The following WDFY3 variants were observed in gnomAD, a reference collection of about 807,000 sequenced individuals.
WDFY3 encodes the protein WD repeat and FYVE domain containing 3.
A neutral mutation model predicts 409.6 loss-of-function variants in WDFY3; 66 were observed. The observed-to-expected ratio is 0.16, with a 90% CI of 0.13 to 0.20. The LOEUF is 0.20. Ranked by LOEUF, WDFY3 falls within the 10% of genes least tolerant of loss-of-function variation. The pLI is 1.00. For synonymous variants in WDFY3, 1,521 were observed against 1,537.1 expected, an observed-to-expected ratio of 0.99 and a Z score of 0.25; for missense variants, 3,031 against 4,298.1, an observed-to-expected ratio of 0.71 and a Z score of 8.24.
intron 9 of WDFY3, 66 bp from the exon 10 acceptor site, chr4:84,827,047 G>C: frequency 6.5e-7 from 1 of 1,531,604 alleles, no homozygotes; most frequent in East Asian, 2.3e-5. Flanking sequence ...TTAACACAAA[G>C]TATTTTTCAA....
chr4:84,844,113 T>C (rs1757751938), intron 5 of WDFY3, among the ~76,000 whole-genome samples: 1 of 152,190 alleles, frequency 6.6e-6, no homozygotes, highest in South Asian at 2.1e-4. Context: ...GCGGACAATC[T>C]TAAATGCAAT....
intron 36 of WDFY3, among the ~76,000 whole-genome samples, chr4:84,745,976 G>C (rs1739367403): frequency 6.6e-6 from 1 of 151,886 alleles, no homozygotes; most frequent in Admixed American, 6.6e-5. Context: ...AAGGAATAAA[G>C]CTGTCCAGTC....
intron 50 of WDFY3, 38 bp downstream of exon 50, chr4:84,715,260 C>T: frequency 2.4e-6 from 3 of 1,247,152 alleles, no homozygotes; most frequent in Non-Finnish European, 3.5e-6. Flanking sequence ...CCCATATCTT[C>T]CCATAATAGT....
chr4:84,826,751 A>G, intron 10 of WDFY3, 64 bp downstream of exon 10: 1 of 1,488,826 alleles, frequency 6.7e-7, no homozygotes, highest in South Asian at 1.4e-5. Context: ...ATATACCAAA[A>G]TAAGACAAAT....
At chr4:84,889,870 G>GA (rs540200830) in intron 3 of WDFY3, among the ~76,000 whole-genome samples, 1 of 151,788 alleles carries the variant, frequency 6.6e-6, no homozygotes, top group African/African-American at 2.4e-5. Context: ...TTGGAATTAA[G>GA]AAAAAAAATT....
At chr4:84,843,760 T>G (rs1264347612) in intron 5 of WDFY3, among the ~76,000 whole-genome samples, 1 of 152,152 alleles carries the variant, frequency 6.6e-6, no homozygotes, top group Non-Finnish European at 1.5e-5. Context: ...ATATAGCATT[T>G]AGTGCTATCT....
intron 3 of WDFY3, among the ~76,000 whole-genome samples, chr4:84,884,919 C>G (rs376630570): frequency 2.0e-5 from 3 of 152,126 alleles, no homozygotes; most frequent in Non-Finnish European, 4.4e-5. Context: ...AAGTCACATA[C>G]GGAGGTGCGT....
At chr4:84,784,784 G>C (rs1045283765) in intron 24 of WDFY3, among the ~76,000 whole-genome samples, 3 of 145,354 alleles carry the variant, frequency 2.1e-5, no homozygotes, top group African/African-American at 7.7e-5. Flanking sequence ...GTTGCAGTGA[G>C]CCGAGATCAC....
At chr4:84,762,512 T>C (rs1742830684) in intron 32 of WDFY3, among the ~76,000 whole-genome samples, 1 of 150,174 alleles carries the variant, frequency 6.7e-6, no homozygotes, top group Non-Finnish European at 1.5e-5. Context: ...TACCTAATGC[T>C]AGATGACGAA....
At chr4:84,913,556 T>C (rs1178391939) in intron 2 of WDFY3, among the ~76,000 whole-genome samples, 1 of 152,104 alleles carries the variant, frequency 6.6e-6, no homozygotes, top group East Asian at 1.9e-4. Flanking sequence ...TGAGTGCTTC[T>C]GAACTAGTAC....
At chr4:84,787,832 C>T (rs1426050208) in intron 22 of WDFY3, 119 bp from the exon 23 acceptor site, 1 of 918,276 alleles carries the variant, frequency 1.1e-6, no homozygotes, top group African/African-American at 1.7e-5. Context: ...TGCACAAAAA[C>T]ATTTGGGGTG....
At chr4:84,760,595 G>A (rs1417276217) in intron 32 of WDFY3, among the ~76,000 whole-genome samples, 2 of 152,176 alleles carry the variant, frequency 1.3e-5, no homozygotes, top group Non-Finnish European at 2.9e-5. Flanking sequence ...TTTGTGTAGA[G>A]GTTGTTTGTA....
Position 84,810,007 on chromosome 4 carries a change from T to C in WDFY3, c.2225A>G (p.Gln742Arg), listed in dbSNP as rs746852676. ...TTCCTCTAAAAGTCTTTGAAATGGC[T>C]GTGTATTTGAGGGGAAGACATTCAT... The part of the protein sequence containing the change: ...SAMNVFPSNT[Q>R]PFQRLLEEDV... The change falls in exon 14 of 68, where the codon CAG (glutamine) becomes CGG (arginine). Residue 742 changes from glutamine to arginine, a missense_variant. Around this residue, in one of 16 missense-constraint regions of WDFY3, gnomAD observed 1,322 missense variants for 1,697.9 expected, o/e 0.78. Transcript: ENST00000295888. 5 of 1,614,184 alleles carry C rather than the reference T, an allele frequency of 3.1e-6. No homozygotes were observed. The African/African-American group carries it at 4.0e-5, about 13-fold the overall frequency.
Position 84,682,544 on chromosome 4 carries a change from G to A in WDFY3, c.9727-74C>T, listed in dbSNP as rs1322731169. ...GAACCAATTTACATTACTCAATGAAGAGAGACTGTCAGGGTTAACAGATAA... is the reference window on the plus strand; with the variant it reads ...GAACCAATTTACATTACTCAATGAAAAGAGACTGTCAGGGTTAACAGATAA... On this transcript the variant is annotated intron_variant, in intron 63 of 67. Coordinates refer to ENST00000295888, the MANE Select transcript of WDFY3 (RefSeq NM_014991.6). 3 of 1,150,970 alleles carry A rather than the reference G, an allele frequency of 2.6e-6. No individual in the cohort carries two copies. The East Asian group carries it at 7.5e-5, about 29-fold the overall frequency. The allele number at this position is 1,150,970 out of a possible 1,614,324, so 71.3% of individuals were successfully genotyped here.
intron 2 of WDFY3, among the ~76,000 whole-genome samples, chr4:84,927,848 T>C (rs1770208440): frequency 6.6e-6 from 1 of 152,244 alleles, no homozygotes; most frequent in Non-Finnish European, 1.5e-5. Context: ...CTCAGGTATT[T>C]TCTCATAGCA....
intron 27 of WDFY3, among the ~76,000 whole-genome samples, chr4:84,777,854 T>C (rs1030404889): frequency 6.6e-6 from 1 of 152,090 alleles, no homozygotes; most frequent in East Asian, 1.9e-4. Context: ...ATAACTAACA[T>C]GCAAAGTGCT....
intron 1 of WDFY3, among the ~76,000 whole-genome samples, chr4:84,960,166 A>T (rs1194795862): frequency 6.6e-6 from 1 of 152,188 alleles, no homozygotes; most frequent in African/African-American, 2.4e-5. Context: ...ATTTGAAAAT[A>T]ATATTCCTGA....
intron 1 of WDFY3, among the ~76,000 whole-genome samples, chr4:84,938,739 C>G (rs532605111): frequency 4.6e-5 from 7 of 152,288 alleles, no homozygotes; most frequent in African/African-American, 1.7e-4. Context: ...TCAGCCATTA[C>G]TAATGTCACC....
intron 44 of WDFY3, among the ~76,000 whole-genome samples, chr4:84,727,914 G>A (rs890394688): frequency 4.6e-5 from 7 of 151,920 alleles, no homozygotes; most frequent in African/African-American, 1.7e-4. Flanking sequence ...TCTAATCAAT[G>A]TTCTTTATCT....
Sources: gnomAD v4.1 joint callset for allele counts (sites outside exome capture counted in the v4.1 genomes callset) on GRCh38, gnomAD v4.1.1 for gene constraint, gnomAD v4.1.1 regional missense constraint, MANE v1.5 for transcripts, NCBI Gene and HGNC (gene_info 2026-07-23, HGNC 2026-07-21) for gene names.